The following NPHP3 variants were observed in gnomAD, a reference collection of about 807,000 sequenced individuals.
The protein encoded by NPHP3 is nephrocystin 3, also known as nephrocystin-3.
A neutral mutation model predicts 171.9 loss-of-function variants in NPHP3; 123 were observed. The ratio of observed to expected loss-of-function variants is 0.72; its 90% CI spans 0.62 to 0.83. NPHP3 has a LOEUF of 0.83. Ranked by LOEUF, NPHP3 falls within the 40% of genes least tolerant of loss-of-function variation. The pLI, the probability that NPHP3 is intolerant of heterozygous loss-of-function variation, is 0.00. For missense variants in NPHP3, 1,506 were observed against 1,591.9 expected (o/e 0.95, Z 0.92); for synonymous variants, 558 against 579.2 (o/e 0.96, Z 0.52).
At chr3:132,687,030 T>A in intron 22 of NPHP3, 121 bp downstream of exon 22, 3 of 619,104 alleles carry the variant, frequency 4.8e-6, no homozygotes, top group Non-Finnish European at 8.7e-6. Flanking sequence ...GTTAAGTAGT[T>A]CTCTTCTAAA....
Position 132,694,573 on chromosome 3 carries a change from G to T in NPHP3, c.2310+254C>A, listed in dbSNP as rs1386925742. On this transcript the variant is annotated intron_variant, in intron 16 of 26. Transcript: ENST00000337331. ...ACAGATCGATAAGGAAAAGACAAAT[G>T]ACCCAATTAAAAAATGGGTAAAGAC... is the stretch of plus-strand genomic sequence containing the variant. Among the ~76,000 whole-genome samples, 8 of 151,960 alleles carry T rather than the reference G, an allele frequency of 5.3e-5. No homozygotes were observed. The East Asian group carries it at 1.5e-3, about 29-fold the overall frequency.
chr3:132,716,979 C>A (rs11718115), intron 3 of NPHP3, 70 bp from the exon 4 acceptor site: 1 of 1,430,554 alleles, frequency 7.0e-7, no homozygotes, highest in Non-Finnish European at 9.8e-7. Flanking sequence ...TCACATATAC[C>A]GAACAGGATT....
At position 132,718,507 on chromosome 3, in the gene NPHP3, T is replaced by C. The variant is rs558676646; in HGVS notation, c.670+487A>G. Among the ~76,000 whole-genome samples the C allele has an allele frequency of 5.3e-5, 8 of 152,366 alleles. No homozygotes were observed. In the South Asian group the frequency reaches 1.0e-3, roughly 20 times the overall value. On this transcript the variant is annotated intron_variant, in intron 3 of 26. Coordinates refer to ENST00000337331, the MANE Select transcript of NPHP3 (RefSeq NM_153240.5). ...ACATTGCAGAGACTAGTAACTCCAA[T>C]ATCCATTCTCCTCTTCTTTCTTCAG...
At chr3:132,704,524 C>T (rs1939696701) in intron 8 of NPHP3, among the ~76,000 whole-genome samples, 153 bp from the exon 9 acceptor site, 1 of 151,956 alleles carries the variant, frequency 6.6e-6, no homozygotes, top group South Asian at 2.1e-4. Context: ...AAACTGATAA[C>T]TACAAAAAAA....
intron 10 of NPHP3, among the ~76,000 whole-genome samples, chr3:132,701,118 C>T (rs1939594946): frequency 6.6e-6 from 1 of 151,506 alleles, no homozygotes; most frequent in East Asian, 1.9e-4. Flanking sequence ...CATTACAATC[C>T]ACTTAATAAC....
At chr3:132,719,900 A>G (rs1940160429) in intron 1 of NPHP3, 70 bp from the exon 2 acceptor site, 5 of 624,316 alleles carry the variant, frequency 8.0e-6, no homozygotes, top group South Asian at 3.5e-5. Flanking sequence ...TCTTATATAT[A>G]TACATATATA....
In NPHP3 at chr3:132,680,681, CAT is replaced by C. The variant is rs1289255385; in HGVS notation, c.*1227_*1228del. The C allele has an allele frequency of 3.3e-5, 5 of 152,100 alleles. No homozygotes were observed. Among genetic ancestry groups the C allele is most frequent in the Non-Finnish European group, 5.9e-5 (4 of 68,028 alleles). The allele number at this position is 152,100 out of a possible 1,614,324, so 9.4% of individuals were successfully genotyped here. On this transcript the variant is annotated 3_prime_UTR_variant, in exon 27 of 27. Transcript: ENST00000337331. ...ACATATTTCACTTTTACAATCAATA[CAT>C]GTTAGGATCTTACAAGTATTAAATT...
intron 1 of NPHP3, chr3:132,721,738 T>G: frequency 2.8e-6 from 2 of 706,930 alleles, no homozygotes; most frequent in Non-Finnish European, 5.1e-6. Flanking sequence ...GAGTTCCAGG[T>G]TGCAGTGAGC....
intron 13 of NPHP3, among the ~76,000 whole-genome samples, chr3:132,699,108 G>T (rs561313474): frequency 8.5e-4 from 130 of 152,136 alleles, no homozygotes; most frequent in Non-Finnish European, 1.6e-3. Flanking sequence ...GGCCAGGCTG[G>T]TCTCAAACTG....
At chr3:132,687,959 A>C (rs1258963680) in intron 21 of NPHP3, among the ~76,000 whole-genome samples, 1 of 152,202 alleles carries the variant, frequency 6.6e-6, no homozygotes, top group Non-Finnish European at 1.5e-5. Context: ...ATACATGAAA[A>C]AAATTTGGCT....
At chr3:132,715,766 G>C (rs1401421752) in intron 4 of NPHP3, among the ~76,000 whole-genome samples, 2 of 152,108 alleles carry the variant, frequency 1.3e-5, no homozygotes, top group African/African-American at 4.8e-5. Context: ...TAACTTCTTA[G>C]GTCTGCACTG....
At chr3:132,708,450 T>C (rs1220605231) in intron 6 of NPHP3, among the ~76,000 whole-genome samples, 193 bp from the exon 7 acceptor site, 2 of 152,214 alleles carry the variant, frequency 1.3e-5, no homozygotes, top group Admixed American at 6.5e-5. Flanking sequence ...TAAAATATAA[T>C]ACATTCATTA....
rs754508002 is a variant in NPHP3, at chr3:132,699,348, C to T, written c.1985+5G>A. The T allele has an allele frequency of 8.8e-6, 14 of 1,592,792 alleles. No individual in the cohort carries two copies. The highest frequency in any genetic ancestry group is 4.4e-5 in the South Asian group (4 of 90,602). On this transcript the variant is annotated splice_donor_5th_base_variant and intron_variant, in intron 13 of 26. Coordinates refer to ENST00000337331, the MANE Select transcript of NPHP3 (RefSeq NM_153240.5). ...ACTCTGAAAGAACTAAAGTTGGCAT[C>T]GTACCTCCATGCTGGAGGGCATGTT...
At chr3:132,688,535 C>T in intron 21 of NPHP3, 115 bp downstream of exon 21, 1 of 1,116,910 alleles carries the variant, frequency 9.0e-7, no homozygotes, top group South Asian at 1.2e-5. Context: ...CACATGAAGA[C>T]TAGGCACAGG....
Position 132,689,059 on chromosome 3 carries a change from A to T in NPHP3, c.2883+15T>A. On this transcript the variant is annotated intron_variant, in intron 20 of 26. Transcript: ENST00000337331. ...CCCACCTGTCTCTGGCTTGCCATTG[A>T]TCTGCTGAGCTTACCTGACTGAGAA... 6.2e-7 allele frequency: 1 copy of T among 1,614,084 alleles called. No homozygotes were observed. The highest frequency in any genetic ancestry group is 8.5e-7 in the Non-Finnish European group (1 of 1,179,952).
At chr3:132,712,810 T>C (rs1487235237) in intron 6 of NPHP3, among the ~76,000 whole-genome samples, 2 of 151,840 alleles carry the variant, frequency 1.3e-5, no homozygotes, top group Non-Finnish European at 2.9e-5. Context: ...AATGAATGAA[T>C]GTGGCTGTGT....
chr3:132,718,638 T>G (rs1475015498), intron 3 of NPHP3, among the ~76,000 whole-genome samples: 1 of 152,246 alleles, frequency 6.6e-6, no homozygotes, highest in Admixed American at 6.5e-5. Flanking sequence ...AGAAGTGATC[T>G]TAGGTTGTAC....
Position 132,719,746 on chromosome 3 carries a change from T to C in NPHP3, c.478A>G (p.Thr160Ala). Reference protein sequence around the residue: ...AKYQAMERAATFEHDRDKVKR... With the variant: ...AKYQAMERAAAFEHDRDKVKR... ...ACTTTATCTCTGTCATGTTCAAATG[T>C]TGCTGCTCTCTCCATTGCTTGGTAT... Residue 160 changes from threonine to alanine, a missense_variant, in exon 2 of 27, where the codon ACA becomes GCA. Coordinates refer to ENST00000337331, the MANE Select transcript of NPHP3 (RefSeq NM_153240.5). 1 of 1,582,950 alleles carries C rather than the reference T, an allele frequency of 6.3e-7. No homozygotes were observed. The highest frequency in any genetic ancestry group is 1.7e-5 in the Admixed American group (1 of 58,400).
At chr3:132,718,894 A>G in intron 3 of NPHP3, 100 bp downstream of exon 3, 2 of 1,211,604 alleles carry the variant, frequency 1.7e-6, no homozygotes, top group Non-Finnish European at 2.4e-6. Context: ...CAATAACCTA[A>G]TATAGATAAG....
Sources: allele counts gnomAD v4.1 joint callset (sites outside exome capture counted in the v4.1 genomes callset), GRCh38; gene constraint gnomAD v4.1.1; transcripts MANE v1.5; gene names NCBI Gene and HGNC (gene_info 2026-07-23, HGNC 2026-07-21).